The following TMEM117 variants were observed in gnomAD, a reference collection of about 807,000 sequenced individuals.
TMEM117 encodes transmembrane protein 117.
TMEM117 carries 27 observed loss-of-function variants against 52.4 expected under a neutral mutation model. That is an observed-to-expected ratio of 0.51 (90% CI 0.38 to 0.71). The LOEUF is 0.71. Among genes scored for constraint, TMEM117 ranks in the 30% least tolerant of loss-of-function variants. The pLI, the probability that TMEM117 is intolerant of heterozygous loss-of-function variation, is 0.00. For missense variants in TMEM117, 556 were observed against 630.5 expected (o/e 0.88, Z 1.26); for synonymous variants, 215 against 206.3 (o/e 1.04, Z -0.36).
At chr12:44,100,660 T>C (rs1947845913) in intron 3 of TMEM117, among the ~76,000 whole-genome samples, 1 of 152,092 alleles carries the variant, frequency 6.6e-6, no homozygotes, top group Non-Finnish European at 1.5e-5. Flanking sequence ...CCTCAAGTTA[T>C]TGCTTTATCT....
intron 3 of TMEM117, among the ~76,000 whole-genome samples, chr12:44,042,132 C>T (rs1474253788): frequency 6.6e-6 from 1 of 152,196 alleles, no homozygotes; most frequent in South Asian, 2.1e-4. Context: ...ATCTGATGTA[C>T]AACTTCAGCA....
intron 3 of TMEM117, among the ~76,000 whole-genome samples, chr12:43,995,973 C>G (rs1946023487): frequency 6.6e-6 from 1 of 152,136 alleles, no homozygotes; most frequent in Non-Finnish European, 1.5e-5. Flanking sequence ...AACTTTGTCT[C>G]ATTCCCCTGG....
chr12:44,239,183 A>G (rs998300973), intron 5 of TMEM117, among the ~76,000 whole-genome samples: 6 of 152,108 alleles, frequency 3.9e-5, no homozygotes, highest in African/African-American at 1.4e-4. Context: ...ATGTTTCTCA[A>G]CTTTTTATTA....
At chr12:44,181,108 G>C (rs1212196259) in intron 4 of TMEM117, among the ~76,000 whole-genome samples, 2 of 152,024 alleles carry the variant, frequency 1.3e-5, no homozygotes, top group African/African-American at 2.4e-5. Context: ...GGCCAGTGAT[G>C]ATGAGCATTT....
intron 3 of TMEM117, among the ~76,000 whole-genome samples, chr12:43,986,903 T>G (rs1157177494): frequency 6.6e-6 from 1 of 152,148 alleles, no homozygotes; most frequent in Non-Finnish European, 1.5e-5. Context: ...AAGGCTATAT[T>G]TTTTTATTTC....
intron 6 of TMEM117, among the ~76,000 whole-genome samples, chr12:44,326,635 ATCT>A (rs1951199604): frequency 6.6e-6 from 1 of 152,210 alleles, no homozygotes; most frequent in East Asian, 1.9e-4. Context: ...CATCAAATCC[ATCT>A]TCCACTGTGA....
Position 44,036,737 on chromosome 12 carries a change from G to A in TMEM117, c.410+92395G>A, listed in dbSNP as rs11182395. On this transcript the variant is annotated intron_variant, in intron 3 of 7. Coordinates refer to ENST00000266534, the MANE Select transcript of TMEM117 (RefSeq NM_032256.3). ...ATTTACAGATAACAAATATACCTAG[G>A]AGTCAAATTCTAAGGTTATATGTTA... 2.4e-3 allele frequency among the ~76,000 whole-genome samples: 362 copies of A among 152,160 alleles called. 8 individuals are homozygous for A. The highest frequency in any genetic ancestry group is 0.02 in the Admixed American group (311 of 15,278).
intron 5 of TMEM117, among the ~76,000 whole-genome samples, chr12:44,215,258 G>C (rs950838750): frequency 6.6e-6 from 1 of 152,180 alleles, no homozygotes; most frequent in African/African-American, 2.4e-5. Flanking sequence ...ACAAACACCT[G>C]TCAGAAACTG....
At chr12:43,823,737 C>T in the TMEM117 span, among the ~76,000 whole-genome samples, 1 of 152,150 alleles carries the variant, frequency 6.6e-6, no homozygotes, top group South Asian at 2.1e-4. Flanking sequence ...TGGTCTCGAT[C>T]TGTTGACCTC....
At chr12:43,975,252 A>G (rs1359623011) in intron 3 of TMEM117, among the ~76,000 whole-genome samples, 2 of 152,116 alleles carry the variant, frequency 1.3e-5, no homozygotes, top group Non-Finnish European at 1.5e-5. Context: ...GACAAATTGT[A>G]TTTGCTAGAG....
At chr12:44,159,994 TG>T (rs1948877141) in intron 4 of TMEM117, among the ~76,000 whole-genome samples, 1 of 152,070 alleles carries the variant, frequency 6.6e-6, no homozygotes, top group Admixed American at 6.6e-5. Flanking sequence ...AGAGAGAGGA[TG>T]AAAGCACAAA....
intron 3 of TMEM117, among the ~76,000 whole-genome samples, chr12:44,124,818 G>A (rs921903546): frequency 4.6e-5 from 7 of 152,072 alleles, no homozygotes; most frequent in African/African-American, 1.7e-4. Flanking sequence ...ATTTTGTTGA[G>A]GATTTTTGCA....
intron 2 of TMEM117, among the ~76,000 whole-genome samples, chr12:43,933,167 G>A (rs1372573848): frequency 6.6e-6 from 1 of 151,766 alleles, no homozygotes; most frequent in Non-Finnish European, 1.5e-5. Flanking sequence ...GTATAATGAT[G>A]AAGATGTAAG....
intron 5 of TMEM117, among the ~76,000 whole-genome samples, chr12:44,222,390 C>G (rs1949799967): frequency 6.6e-6 from 1 of 152,176 alleles, no homozygotes; most frequent in Admixed American, 6.5e-5. Context: ...CTTTCTCAGT[C>G]TCCTGTGCCT....
At chr12:43,852,587 G>A (rs2137376892) in intron 2 of TMEM117, among the ~76,000 whole-genome samples, 1 of 152,304 alleles carries the variant, frequency 6.6e-6, no homozygotes, top group Non-Finnish European at 1.5e-5. Flanking sequence ...GGCATGGAGC[G>A]AGACTCTGTC....
chr12:44,064,789 G>T (rs912040362), intron 3 of TMEM117, among the ~76,000 whole-genome samples: 1 of 152,084 alleles, frequency 6.6e-6, no homozygotes, highest in African/African-American at 2.4e-5. Flanking sequence ...ATATAAAGTT[G>T]TATATGTATA....
intron 3 of TMEM117, among the ~76,000 whole-genome samples, chr12:43,971,849 A>G (rs1945592532): frequency 6.6e-6 from 1 of 152,260 alleles, no homozygotes; most frequent in African/African-American, 2.4e-5. Flanking sequence ...GCAGATGTCT[A>G]GAACCTAATC....
At chr12:44,119,311 A>T (rs1948195423) in intron 3 of TMEM117, among the ~76,000 whole-genome samples, 1 of 150,540 alleles carries the variant, frequency 6.6e-6, no homozygotes, top group Admixed American at 6.6e-5. Flanking sequence ...GAGGATGTTT[A>T]TGTAGTGAAA....
intron 6 of TMEM117, among the ~76,000 whole-genome samples, chr12:44,332,301 T>C (rs2138727185): frequency 6.6e-6 from 1 of 152,254 alleles, no homozygotes; most frequent in African/African-American, 2.4e-5. Context: ...AATAAGTTTG[T>C]GCAGAGCATT....
Sources: allele counts gnomAD v4.1 joint callset (sites outside exome capture counted in the v4.1 genomes callset), GRCh38; gene constraint gnomAD v4.1.1; transcripts MANE v1.5; gene names NCBI Gene and HGNC (gene_info 2026-07-23, HGNC 2026-07-21).